SOX6: variants seen among roughly 807,000 people sequenced by gnomAD.
SOX6 encodes the protein SRY-box transcription factor 6.
A neutral mutation model predicts 97.8 loss-of-function variants in SOX6; 11 were observed. That is an observed-to-expected ratio of 0.11 (90% confidence interval 0.07 to 0.19). The LOEUF is 0.19. Among genes scored for constraint, SOX6 ranks in the 10% least tolerant of loss-of-function variants. The pLI is 1.00. For missense variants in SOX6, 810 were observed against 1,039.5 expected (o/e 0.78, Z 3.04); for synonymous variants, 360 against 371.4 (o/e 0.97, Z 0.35).
Position 16,710,996 on chromosome 11 carries a change from C to T in SOX6, n.429+3834G>A, listed in dbSNP as rs560701693. ...AACCTAAGAGCCATCTTTTTATTTT[C>T]CTTTTCATTATCCCCAATTCTAATC... On this transcript the variant is annotated intron_variant and non_coding_transcript_variant, in intron 3 of 5. Coordinates refer to the SOX6 transcript ENST00000524520. Among the ~76,000 whole-genome samples the T allele has an allele frequency of 4.6e-5, 7 of 152,240 alleles. No individual in the cohort carries two copies. The South Asian group carries it at 1.5e-3, about 32-fold the overall frequency.
At chr11:16,215,545 C>G (rs927161936) in intron 4 of SOX6, among the ~76,000 whole-genome samples, 1 of 152,152 alleles carries the variant, frequency 6.6e-6, no homozygotes, top group African/African-American at 2.4e-5. Context: ...CATGACTTAT[C>G]TAGGCACCCT....
intron 4 of SOX6, among the ~76,000 whole-genome samples, chr11:16,508,991 A>G (rs1052223332): frequency 6.6e-6 from 1 of 152,130 alleles, no homozygotes. Flanking sequence ...CAATTAAATA[A>G]AAAGAAAAAA....
chr11:16,624,208 A>ATTTATTTATTTATT, intron 3 of SOX6, among the ~76,000 whole-genome samples: 1 of 151,822 alleles, frequency 6.6e-6, no homozygotes, highest in Non-Finnish European at 1.5e-5. Context: ...TTATTTATTG[A>ATTTATTTATTTATT]GATGGAGTCT....
rs182345061 is a variant in SOX6, at chr11:16,080,618, T to G, written c.1101+15378A>C. ...AAAAATACTTATTGGCATTTTTATT[T>G]AATTTAGCAAAAATATATTACTGAT... is the stretch of plus-strand genomic sequence containing the variant. On this transcript the variant is annotated intron_variant, in intron 9 of 15. Coordinates refer to ENST00000683767, the MANE Select transcript of SOX6 (RefSeq NM_001367873.1). Among the ~76,000 whole-genome samples, 283 of 152,336 alleles carry G rather than the reference T, an allele frequency of 1.9e-3. 2 individuals are homozygous for G. The highest frequency in any genetic ancestry group is 0.017 in the Admixed American group (253 of 15,298).
intron 3 of SOX6, among the ~76,000 whole-genome samples, chr11:16,296,955 C>T (rs1338798660): frequency 1.3e-5 from 2 of 151,932 alleles, no homozygotes; most frequent in Non-Finnish European, 2.9e-5. Flanking sequence ...TAAAGACTGT[C>T]TTCGAATTTA....
At chr11:16,164,970 T>C (rs1467135217) in intron 6 of SOX6, among the ~76,000 whole-genome samples, 1 of 152,220 alleles carries the variant, frequency 6.6e-6, no homozygotes, top group Non-Finnish European at 1.5e-5. Flanking sequence ...TGAAATTAAC[T>C]GGTTCTTTTT....
intron 7 of SOX6, among the ~76,000 whole-genome samples, chr11:16,107,623 A>C (rs1319463429): frequency 1.3e-5 from 2 of 151,766 alleles, no homozygotes; most frequent in African/African-American, 4.8e-5. Context: ...AGAGGTTACC[A>C]GAGACTAAGG....
chr11:16,731,347 A>G (rs1056278289), intron 2 of SOX6, among the ~76,000 whole-genome samples: 1 of 152,216 alleles, frequency 6.6e-6, no homozygotes, highest in Non-Finnish European at 1.5e-5. Context: ...AAAATCCTCA[A>G]TAAAATACTA....
chr11:15,995,664 A>C (rs1218116711), intron 13 of SOX6, among the ~76,000 whole-genome samples: 1 of 152,148 alleles, frequency 6.6e-6, no homozygotes, highest in Non-Finnish European at 1.5e-5. Flanking sequence ...AGGCCAAATA[A>C]ATACAACAAA....
At position 16,423,909 on chromosome 11, in the gene SOX6, G is replaced by T. The variant is rs79791205; in HGVS notation, c.-5+52406C>A. On this transcript the variant is annotated intron_variant, in intron 1 of 15. Coordinates refer to the SOX6 transcript ENST00000396356. ...GAAAAAAGTAGATTAATCTAAAAAG[G>T]CTAAAAAGGAACATTTATGTGCTAA... Among the ~76,000 whole-genome samples, 6 of 152,226 alleles carry T rather than the reference G, an allele frequency of 3.9e-5. No homozygotes were observed. In the East Asian group the frequency reaches 1.2e-3, roughly 29 times the overall value.
chr11:16,513,366 C>T (rs1392124239), intron 4 of SOX6, among the ~76,000 whole-genome samples: 1 of 152,218 alleles, frequency 6.6e-6, no homozygotes, highest in African/African-American at 2.4e-5. Flanking sequence ...GGCACAGTGG[C>T]TCAGGCCTGT....
chr11:16,191,844 T>TTTTTTTTTC (rs200516779), intron 4 of SOX6, among the ~76,000 whole-genome samples: 1 of 149,036 alleles, frequency 6.7e-6, no homozygotes, highest in African/African-American at 2.5e-5. Flanking sequence ...GCAGCAGGGT[T>TTTTTTTTTC]TTTTTTTTCT....
chr11:16,665,946 AT>A (rs1451341089), intron 3 of SOX6, among the ~76,000 whole-genome samples: 2 of 152,240 alleles, frequency 1.3e-5, no homozygotes, highest in African/African-American at 4.8e-5. Flanking sequence ...AAGTTGGCAC[AT>A]CTGTAAGTCT....
chr11:16,543,291 T>G (rs1443480017), intron 4 of SOX6, among the ~76,000 whole-genome samples: 1 of 152,110 alleles, frequency 6.6e-6, no homozygotes, highest in Non-Finnish European at 1.5e-5. Flanking sequence ...ACCATATATT[T>G]TTGTCCAAAC....
intron 4 of SOX6, among the ~76,000 whole-genome samples, chr11:16,224,519 C>A (rs2134161832): frequency 6.6e-6 from 1 of 152,100 alleles, no homozygotes; most frequent in South Asian, 2.1e-4. Context: ...CCTTGTGTCT[C>A]TAACCCCAAG....
At chr11:16,491,664 CA>C (rs1349934826) in intron 4 of SOX6, among the ~76,000 whole-genome samples, 2 of 151,988 alleles carry the variant, frequency 1.3e-5, no homozygotes, top group Non-Finnish European at 2.9e-5. Flanking sequence ...AACTATAAAG[CA>C]ACAGTAATTA....
chr11:16,208,152 T>C (rs905690903), intron 4 of SOX6, among the ~76,000 whole-genome samples: 5 of 152,220 alleles, frequency 3.3e-5, no homozygotes, highest in Admixed American at 6.5e-5. Context: ...TGAATAATTG[T>C]GTAGACTTTT....
intron 4 of SOX6, among the ~76,000 whole-genome samples, chr11:16,523,989 C>T (rs1204289173): frequency 6.6e-6 from 1 of 152,068 alleles, no homozygotes; most frequent in Non-Finnish European, 1.5e-5. Context: ...TGGCAATAAT[C>T]AATAGCTTAC....
At position 16,499,297 on chromosome 11, in the gene SOX6, A is replaced by G. The variant is rs546430337; in HGVS notation, n.610-22909T>C. On this transcript the variant is annotated intron_variant and non_coding_transcript_variant, in intron 4 of 5. Coordinates refer to the SOX6 transcript ENST00000524520. ...CACAACATACCAGAATCTCTGGGAC[A>G]CATTCAAAGCAGTGTGTAGAGGGAA... is the stretch of plus-strand genomic sequence containing the variant. Among the ~76,000 whole-genome samples the G allele has an allele frequency of 5.6e-3, 860 of 152,338 alleles. 6 individuals are homozygous for G. Among genetic ancestry groups the G allele is most frequent in the Non-Finnish European group, 9.0e-3 (614 of 68,040 alleles).
Sources: allele counts gnomAD v4.1 joint callset (sites outside exome capture counted in the v4.1 genomes callset), GRCh38; gene constraint gnomAD v4.1.1; transcripts MANE v1.5; gene names NCBI Gene and HGNC (gene_info 2026-07-23, HGNC 2026-07-21).